The following TAFA5 variants were observed in gnomAD, a reference collection of about 807,000 sequenced individuals.
TAFA5 encodes chemokine-like protein TAFA-5.
A neutral mutation model predicts 15.3 loss-of-function variants in TAFA5; 6 were observed. That is an observed-to-expected ratio of 0.39 (90% CI 0.21 to 0.77). The LOEUF (loss-of-function observed/expected upper bound fraction) is 0.77, where lower values mean the gene tolerates loss of function less well. TAFA5 is among the 30% of genes least tolerant of loss of function. The pLI is 0.41. For missense variants in TAFA5, 161 were observed against 193.1 expected (o/e 0.83, Z 0.98); for synonymous variants, 103 against 80.7 (o/e 1.28, Z -1.48).
At chr22:48,637,013 A>G (rs1459601715) in intron 1 of TAFA5, among the ~76,000 whole-genome samples, 1 of 152,194 alleles carries the variant, frequency 6.6e-6, no homozygotes, top group East Asian at 1.9e-4. Context: ...CGGGCTTGCC[A>G]GATGATGTGC....
chr22:48,529,250 G>A (rs1187231970), intron 1 of TAFA5, among the ~76,000 whole-genome samples: 7 of 139,498 alleles, frequency 5.0e-5, no homozygotes, highest in South Asian at 2.5e-4. Context: ...GCAGGAGATG[G>A]GGGTGTCAGG....
intron 1 of TAFA5, among the ~76,000 whole-genome samples, chr22:48,575,206 G>A (rs1483560155): frequency 6.6e-6 from 1 of 152,126 alleles, no homozygotes; most frequent in African/African-American, 2.4e-5. Context: ...GGTCTCCCGC[G>A]CCAGCAGGGC....
intron 1 of TAFA5, among the ~76,000 whole-genome samples, chr22:48,555,096 C>T (rs1478124022): frequency 6.6e-6 from 1 of 152,228 alleles, no homozygotes; most frequent in East Asian, 1.9e-4. Context: ...GCCACCCAGT[C>T]CTGGACACCT....
At chr22:48,605,415 T>C (rs1481068293) in intron 1 of TAFA5, among the ~76,000 whole-genome samples, 1 of 148,654 alleles carries the variant, frequency 6.7e-6, no homozygotes, top group Non-Finnish European at 1.5e-5. Context: ...GTGGTGATGG[T>C]GAGGATGGTG....
intron 1 of TAFA5, among the ~76,000 whole-genome samples, chr22:48,506,720 C>T (rs539684758): frequency 1.3e-5 from 2 of 152,318 alleles, no homozygotes; most frequent in African/African-American, 2.4e-5. Flanking sequence ...TCAGGGCACA[C>T]GGCAAATGGA....
intron 2 of TAFA5, among the ~76,000 whole-genome samples, chr22:48,691,596 C>T (rs1317909911): frequency 1.3e-5 from 2 of 152,194 alleles, no homozygotes; most frequent in Non-Finnish European, 2.9e-5. Flanking sequence ...CAACGGAGGA[C>T]GCGCCAGGAG....
At chr22:48,506,673 A>C (rs374666229) in intron 1 of TAFA5, among the ~76,000 whole-genome samples, 3 of 152,160 alleles carry the variant, frequency 2.0e-5, no homozygotes, top group South Asian at 4.1e-4. Context: ...GCTGATGAGA[A>C]TGAAGAGGGA....
intron 2 of TAFA5, among the ~76,000 whole-genome samples, chr22:48,677,651 AC>A (rs1338972497): frequency 5.9e-5 from 9 of 151,784 alleles, no homozygotes; most frequent in Admixed American, 3.3e-4. Flanking sequence ...GAGGCCTCCC[AC>A]CCCTGAGCGC....
chr22:48,612,168 G>A (rs2147174463), intron 1 of TAFA5, among the ~76,000 whole-genome samples: 1 of 152,262 alleles, frequency 6.6e-6, no homozygotes, highest in South Asian at 2.1e-4. Context: ...CCTCCCCTGG[G>A]TGGCTCATCC....
intron 1 of TAFA5, among the ~76,000 whole-genome samples, chr22:48,630,807 T>TC (rs1926196497): frequency 9.3e-5 from 14 of 150,542 alleles, no homozygotes; most frequent in Admixed American, 9.2e-4. Flanking sequence ...CTGTGGGGCT[T>TC]TTGTTTCTAC....
At chr22:48,702,445 C>T (rs1315538021) in intron 2 of TAFA5, among the ~76,000 whole-genome samples, 1 of 152,092 alleles carries the variant, frequency 6.6e-6, no homozygotes, top group Non-Finnish European at 1.5e-5. Flanking sequence ...CTATCCTAGG[C>T]AGGGGCTCCC....
At chr22:48,702,590 C>A (rs1054447743) in intron 2 of TAFA5, among the ~76,000 whole-genome samples, 3 of 150,440 alleles carry the variant, frequency 2.0e-5, no homozygotes, top group African/African-American at 7.3e-5. Context: ...TCAGGACCCC[C>A]CAGGTTAGCC....
chr22:48,679,207 G>T (rs868244041), intron 2 of TAFA5, among the ~76,000 whole-genome samples: 3 of 60,646 alleles, frequency 4.9e-5, no homozygotes, highest in Non-Finnish European at 3.2e-5. Context: ...CCCTCTCCCG[G>T]CTCCCCGTCC....
chr22:48,609,150 G>A (rs1212590374), intron 1 of TAFA5, among the ~76,000 whole-genome samples: 3 of 152,186 alleles, frequency 2.0e-5, no homozygotes, highest in Admixed American at 6.5e-5. Flanking sequence ...GTAAACAGGT[G>A]GGCGGTGGTG....
At chr22:48,611,201 C>T (rs1405723840) in intron 1 of TAFA5, among the ~76,000 whole-genome samples, 1 of 152,224 alleles carries the variant, frequency 6.6e-6, no homozygotes, top group Non-Finnish European at 1.5e-5. Context: ...TCCCAAAGTG[C>T]TGGGATTACA....
chr22:48,582,039 A>G (rs1045234445), intron 1 of TAFA5, among the ~76,000 whole-genome samples: 2 of 152,000 alleles, frequency 1.3e-5, no homozygotes, highest in African/African-American at 4.8e-5. Flanking sequence ...CTCCTTTGAG[A>G]CCAACCATGG....
intron 3 of TAFA5, among the ~76,000 whole-genome samples, chr22:48,729,172 T>C (rs2147265812): frequency 6.6e-6 from 1 of 150,994 alleles, no homozygotes; most frequent in East Asian, 1.9e-4. Context: ...AGTGTTCAGG[T>C]TTCTTTTCCC....
At chr22:48,718,989 C>G (rs549753167) in intron 3 of TAFA5, among the ~76,000 whole-genome samples, 1 of 152,348 alleles carries the variant, frequency 6.6e-6, no homozygotes, top group South Asian at 2.1e-4. Flanking sequence ...CTGAGCAATC[C>G]TCTTTGCCCG....
At chr22:48,496,088 A>G (rs560525661) in intron 1 of TAFA5, among the ~76,000 whole-genome samples, 100 of 152,358 alleles carry the variant, frequency 6.6e-4, no homozygotes, top group Non-Finnish European at 9.6e-4. Context: ...GAGCTAGGCC[A>G]GAAAGTGCCC....
Sources: allele counts gnomAD v4.1 joint callset (sites outside exome capture counted in the v4.1 genomes callset), GRCh38; gene constraint gnomAD v4.1.1; transcripts MANE v1.5; gene names NCBI Gene and HGNC (gene_info 2026-07-23, HGNC 2026-07-21).